TBCK: variants seen among roughly 807,000 people sequenced by gnomAD.
The protein encoded by TBCK is TBC domain-containing protein kinase-like protein.
In TBCK, 99 loss-of-function variants were observed where a neutral mutation model predicts 113.4. That is an observed-to-expected ratio of 0.87 (90% CI 0.74 to 1.03). The LOEUF is 1.03. TBCK is among the 50% of genes least tolerant of loss of function. The pLI is 0.00. For synonymous variants in TBCK, 369 were observed against 370.8 expected (o/e 1.00, Z 0.05); for missense variants, 1,045 against 1,061.3 (o/e 0.98, Z 0.21).
At chr4:106,158,539 C>T (rs1054512121) in intron 23 of TBCK, among the ~76,000 whole-genome samples, 3 of 152,064 alleles carry the variant, frequency 2.0e-5, no homozygotes, top group Non-Finnish European at 4.4e-5. Flanking sequence ...AAAAATGAAG[C>T]TACTAACCTA....
At chr4:106,246,387 C>T (rs1760815476) in intron 10 of TBCK, among the ~76,000 whole-genome samples, 1 of 151,970 alleles carries the variant, frequency 6.6e-6, no homozygotes, top group African/African-American at 2.4e-5. Flanking sequence ...GTCACTAAAC[C>T]TTACATTCCA....
chr4:106,236,261 G>T, intron 14 of TBCK, 129 bp downstream of exon 14: 1 of 618,684 alleles, frequency 1.6e-6, no homozygotes, highest in Non-Finnish European at 2.3e-6. Context: ...ATGAAAGAAA[G>T]CTAACTGAAC....
At chr4:106,080,909 G>A (rs868563675) in intron 25 of TBCK, among the ~76,000 whole-genome samples, 27 of 152,184 alleles carry the variant, frequency 1.8e-4, no homozygotes, top group African/African-American at 5.5e-4. Flanking sequence ...GCCAACGAAC[G>A]TAAGGAAGAA....
rs1327227649 is a variant in TBCK at position 106,137,806 on chromosome 4, G to C, written c.2236-21428C>G. On this transcript the variant is annotated intron_variant, in intron 23 of 25. Transcript: ENST00000394708. ...GACAGATTTTTTTTTTCAGTGATTA[G>C]AGACTTTATGCTAAAACGTTCACAG... Among the ~76,000 whole-genome samples, 2 of 139,892 alleles carry C rather than the reference G, an allele frequency of 1.4e-5. 1 individual carries two copies. The highest frequency in any genetic ancestry group is 3.2e-5 in the Non-Finnish European group (2 of 61,686). The allele number at this position is 139,892 out of a possible 152,430, so 91.8% of individuals were successfully genotyped here.
At chr4:106,236,308 A>G in intron 14 of TBCK, 82 bp downstream of exon 14, 1 of 1,052,598 alleles carries the variant, frequency 9.5e-7, no homozygotes, top group Non-Finnish European at 1.2e-6. Flanking sequence ...TTATTACTCA[A>G]GATTCCCTAA....
intron 25 of TBCK, among the ~76,000 whole-genome samples, chr4:106,068,773 G>C (rs1253559336): frequency 6.6e-6 from 1 of 152,176 alleles, no homozygotes; most frequent in Non-Finnish European, 1.5e-5. Flanking sequence ...CAGTGTAAAA[G>C]TGTTCCTATT....
rs1733957371 is a variant in TBCK, at chr4:106,043,124, C to A, written c.*3446G>T. 1 of 152,166 alleles carries A rather than the reference C, an allele frequency of 6.6e-6. No homozygotes were observed. The highest frequency in any genetic ancestry group is 2.1e-4 in the South Asian group (1 of 4,834). 9.4% of individuals were successfully genotyped at this position (152,166 alleles called of 1,614,324 possible). A position where few individuals can be genotyped will look rare whatever the true frequency, so the allele number is the denominator to read the frequency against. On this transcript the variant is annotated 3_prime_UTR_variant, in exon 26 of 26. Coordinates refer to ENST00000394708, the MANE Select transcript of TBCK (RefSeq NM_001163435.3). ...AAAGCTGTGCCTTTCAGGTCCTTTT[C>A]ATTTCTGACATCAAAAAACTTCTTT...
chr4:106,093,480 C>T (rs942260073), intron 25 of TBCK, among the ~76,000 whole-genome samples: 1 of 152,152 alleles, frequency 6.6e-6, no homozygotes, highest in African/African-American at 2.4e-5. Flanking sequence ...GCACTCCAGC[C>T]TGGGCGAAAG....
intron 23 of TBCK, among the ~76,000 whole-genome samples, chr4:106,141,431 T>C (rs1168926686): frequency 7.1e-6 from 1 of 140,040 alleles, no homozygotes; most frequent in Non-Finnish European, 1.6e-5. Flanking sequence ...CTGAAGTATA[T>C]AATATTATTA....
chr4:106,050,133 A>G (rs568284807), intron 25 of TBCK, among the ~76,000 whole-genome samples: 2 of 152,180 alleles, frequency 1.3e-5, no homozygotes, highest in African/African-American at 4.8e-5. Context: ...TGCAGATAAA[A>G]AGGGAGATTT....
At chr4:106,156,212 TA>T (rs199945014) in intron 23 of TBCK, among the ~76,000 whole-genome samples, 3 of 150,862 alleles carry the variant, frequency 2.0e-5, no homozygotes, top group Non-Finnish European at 3.0e-5. Flanking sequence ...TACTTTCTCC[TA>T]AAAAAAAATA....
At chr4:106,207,600 C>T (rs866738476) in intron 20 of TBCK, among the ~76,000 whole-genome samples, 1 of 152,082 alleles carries the variant, frequency 6.6e-6, no homozygotes, top group Non-Finnish European at 1.5e-5. Context: ...TTTTAAAAGT[C>T]CTCCATTTCA....
chr4:106,278,357 A>G (rs370934347), intron 3 of TBCK, among the ~76,000 whole-genome samples: 2 of 152,188 alleles, frequency 1.3e-5, no homozygotes, highest in East Asian at 3.9e-4. Context: ...CAGGAGTTAG[A>G]GACCAGTCCA....
rs771208077 is a variant in TBCK, at chr4:106,095,590, G to C, written c.2463C>G (p.Ala821=). Residue 821 remains alanine, a synonymous_variant, in exon 25 of 26, where the codon GCC becomes GCG. Transcript: ENST00000394708. ...SGSINIPFSA[A]FTAEGELTQG... ...GGGTAAGCTCCCCTTCTGCAGTGAA[G>C]GCAGCACTGAATGGAATGTTGATGC... 6.2e-7 allele frequency: 1 copy of C among 1,614,082 alleles called. No homozygotes were observed. The highest frequency in any genetic ancestry group is 8.5e-7 in the Non-Finnish European group (1 of 1,179,956).
At chr4:106,309,024 A>G in intron 1 of TBCK, 35 bp from the exon 2 acceptor site, 1 of 1,429,154 alleles carries the variant, frequency 7.0e-7, no homozygotes, top group Non-Finnish European at 9.5e-7. Context: ...CAGACCAAAC[A>G]TTAAGCCAGA....
Position 106,213,904 on chromosome 4 carries a change from C to A in TBCK, c.1775-1069G>T, listed in dbSNP as rs564613793. On this transcript the variant is annotated intron_variant, in intron 19 of 25. Transcript: ENST00000394708. The stretch of plus-strand genomic sequence containing the variant: ...GCCTGCGTGCCTCTGTAGGCTCCAC[C>A]TCTGGGGGCAGGGCACAGACAAACA... 27 of 153,158 alleles carry A rather than the reference C, an allele frequency of 1.8e-4. No homozygotes were observed. In the East Asian group the frequency reaches 5.2e-3, roughly 30 times the overall value. The allele number at this position is 153,158 out of a possible 1,614,324, so 9.5% of individuals were successfully genotyped here. A position where few individuals can be genotyped will look rare whatever the true frequency, so the allele number is the denominator to read the frequency against.
At position 106,309,555 on chromosome 4, in the gene TBCK, G is replaced by T. The variant is rs376075484; in HGVS notation, c.-29-566C>A. 9.8e-4 allele frequency among the ~76,000 whole-genome samples: 149 copies of T among 151,982 alleles called. 1 individual carries two copies. The East Asian group carries it at 0.021, about 21-fold the overall frequency. On this transcript the variant is annotated intron_variant, in intron 1 of 25. Transcript: ENST00000394708. The stretch of plus-strand genomic sequence containing the variant: ...CTGACCTCGTGATCCACCCGCCTCG[G>T]CCTCTCAAAGTGCTGGGATTACAGG...
intron 24 of TBCK, among the ~76,000 whole-genome samples, chr4:106,097,789 C>T (rs1368730277): frequency 6.6e-6 from 1 of 151,828 alleles, no homozygotes. Flanking sequence ...TTGTTGAGTA[C>T]TTCATAATCA....
chr4:106,165,731 A>T (rs1750294037), intron 23 of TBCK, among the ~76,000 whole-genome samples: 2 of 151,758 alleles, frequency 1.3e-5, no homozygotes, highest in South Asian at 4.1e-4. Context: ...GTATATCATT[A>T]TTAAAGTAAC....
Sources: gnomAD v4.1 joint callset for allele counts (sites outside exome capture counted in the v4.1 genomes callset) on GRCh38, gnomAD v4.1.1 for gene constraint, MANE v1.5 for transcripts, NCBI Gene and HGNC (gene_info 2026-07-23, HGNC 2026-07-21) for gene names.